CCDC33: variants seen among roughly 807,000 people sequenced by gnomAD.
CCDC33 encodes coiled-coil domain-containing protein 33.
CCDC33 carries 94 observed loss-of-function variants against 91.9 expected under a neutral mutation model. The observed-to-expected ratio is 1.02, with a 90% CI of 0.87 to 1.21. The LOEUF is 1.21. Ranked by LOEUF, CCDC33 falls within the 50% of genes most tolerant of loss-of-function variation. CCDC33 has a pLI of 0.00. For missense variants in CCDC33, 940 were observed against 935.5 expected (o/e 1.00, Z -0.06); for synonymous variants, 396 against 374.5 (o/e 1.06, Z -0.66).
At chr15:74,231,991 G>A (rs2074988142), upstream of CCDC33, among the ~76,000 whole-genome samples, 1 of 152,190 alleles carries the variant, frequency 6.6e-6, no homozygotes. Context: ...TCCAGCCTGG[G>A]AGACAGAATG....
rs146131430 is a variant in CCDC33 at position 74,332,684 on chromosome 15, C to T, written c.1777C>T (p.Pro593Ser). ...ATCTGTGGCCGTGTCTCTAGGCTTC[C>T]CTATGCTCTCAGCCTCTGGCCTTCC... ...RQQGKPYTGF[P>S]MLSASGLPLG... The change falls in exon 16 of 19, where the codon CCT (proline) becomes TCT (serine). Residue 593 changes from proline (P) to serine (S), a missense_variant. Physicochemically the swap from Pro to Ser is moderately conservative, Grantham distance 74. Coordinates refer to ENST00000398814, the MANE Select transcript of CCDC33 (RefSeq NM_025055.5). 5 of 1,613,930 alleles carry T rather than the reference C, an allele frequency of 3.1e-6. No individual in the cohort carries two copies. The East Asian group carries it at 1.1e-4, about 36-fold the overall frequency.
Position 74,259,708 on chromosome 15 carries a change from G to A in CCDC33, c.186-2732G>A, listed in dbSNP as rs114319155. Among the ~76,000 whole-genome samples the A allele has an allele frequency of 4.1e-3, 617 of 152,320 alleles. 4 individuals carry two copies. Among genetic ancestry groups the A allele is most frequent in the African/African-American group, 0.014 (590 of 41,558 alleles). On this transcript the variant is annotated intron_variant, in intron 2 of 18. Transcript: ENST00000398814. Reference sequence around the variant, plus strand: ...CACCTTTACCCACCTCTTTGCACCTGGGAATTCCTCCTGCCACCCTCCCAG... The same window carrying A: ...CACCTTTACCCACCTCTTTGCACCTAGGAATTCCTCCTGCCACCCTCCCAG...
At chr15:74,253,778 G>A (rs2075781108) in intron 2 of CCDC33, among the ~76,000 whole-genome samples, 1 of 152,194 alleles carries the variant, frequency 6.6e-6, no homozygotes, top group Non-Finnish European at 1.5e-5. Flanking sequence ...GAGAGCACCT[G>A]GCTCATTCAG....
upstream of CCDC33, among the ~76,000 whole-genome samples, chr15:74,215,717 G>T (rs2074423664): frequency 6.6e-6 from 1 of 151,936 alleles, no homozygotes; most frequent in African/African-American, 2.4e-5. Context: ...AAGTTGGAGG[G>T]AGGTTAGCCG....
intron 10 of CCDC33, among the ~76,000 whole-genome samples, chr15:74,291,437 C>T (rs2059582967): frequency 6.6e-6 from 1 of 152,258 alleles, no homozygotes; most frequent in African/African-American, 2.4e-5. Context: ...TTGGGACTCA[C>T]TTTGTTAGAT....
chr15:74,225,348 G>A (rs915330564), intron 2 of CCDC33, among the ~76,000 whole-genome samples: 1 of 151,934 alleles, frequency 6.6e-6, no homozygotes, highest in Non-Finnish European at 1.5e-5. Context: ...GCCCAGTGAC[G>A]ATGGCCTTTT....
At chr15:74,290,305 G>A (rs1022703742) in intron 10 of CCDC33, among the ~76,000 whole-genome samples, 3 of 151,802 alleles carry the variant, frequency 2.0e-5, no homozygotes, top group African/African-American at 7.3e-5. Context: ...AGTCTCCCCA[G>A]TAGCTGGGAT....
At chr15:74,273,022 A>G (rs191545825) in intron 7 of CCDC33, 131 bp downstream of exon 7, 8 of 1,247,814 alleles carry the variant, frequency 6.4e-6, no homozygotes, top group Non-Finnish European at 8.0e-6. Flanking sequence ...CGGCATACCC[A>G]GTGCTGTGCT....
At chr15:74,225,791 G>T (rs533604030) in intron 2 of CCDC33, among the ~76,000 whole-genome samples, 5 of 152,156 alleles carry the variant, frequency 3.3e-5, no homozygotes, top group Non-Finnish European at 7.4e-5. Flanking sequence ...TTAGGGTGGG[G>T]AGCAGCAGGG....
chr15:74,291,424 T>A (rs540197126), intron 10 of CCDC33, among the ~76,000 whole-genome samples: 2 of 152,366 alleles, frequency 1.3e-5, no homozygotes, highest in East Asian at 3.9e-4. Context: ...GGAAGCAGAT[T>A]TCTTGGGACT....
At chr15:74,298,206 C>T (rs1171080810) in intron 11 of CCDC33, among the ~76,000 whole-genome samples, 1 of 152,050 alleles carries the variant, frequency 6.6e-6, no homozygotes, top group African/African-American at 2.4e-5. Context: ...AAGTGAGACA[C>T]AAATTGCTGG....
intron 2 of CCDC33, among the ~76,000 whole-genome samples, chr15:74,222,447 C>T (rs1029909000): frequency 2.0e-5 from 3 of 151,948 alleles, no homozygotes; most frequent in East Asian, 3.9e-4. Flanking sequence ...TCCCAACAAT[C>T]GCAGTTTTGT....
intron 9 of CCDC33, among the ~76,000 whole-genome samples, chr15:74,281,170 C>G (rs2059355898): frequency 6.6e-6 from 1 of 152,216 alleles, no homozygotes; most frequent in Admixed American, 6.5e-5. Context: ...CCACAAGAGT[C>G]CTCGTCTGTA....
intron 13 of CCDC33, 90 bp downstream of exon 13, chr15:74,330,841 G>T: frequency 6.6e-7 from 1 of 1,507,936 alleles, no homozygotes; most frequent in Non-Finnish European, 9.1e-7. Context: ...GGGAGAACAG[G>T]CACAGAGGGA....
At chr15:74,318,088 G>A (rs571902870) in intron 11 of CCDC33, among the ~76,000 whole-genome samples, 3 of 151,362 alleles carry the variant, frequency 2.0e-5, no homozygotes, top group South Asian at 4.2e-4. Context: ...TGCTGCTGCG[G>A]GGTGGGGAGG....
chr15:74,285,228 G>A (rs1386150532), intron 10 of CCDC33, among the ~76,000 whole-genome samples: 1 of 152,186 alleles, frequency 6.6e-6, no homozygotes, highest in Non-Finnish European at 1.5e-5. Context: ...CAGGAGTTTT[G>A]GGCACAGGCT....
chr15:74,320,792 G>T (rs116724329), intron 11 of CCDC33, among the ~76,000 whole-genome samples: 1 of 152,112 alleles, frequency 6.6e-6, no homozygotes, highest in Admixed American at 6.5e-5. Context: ...TTGCCGCTTC[G>T]ATATCCCACC....
intron 2 of CCDC33, among the ~76,000 whole-genome samples, chr15:74,222,980 T>G (rs933526806): frequency 5.9e-5 from 9 of 151,972 alleles, no homozygotes; most frequent in African/African-American, 2.2e-4. Flanking sequence ...CATACACTAT[T>G]TCTATTGCCC....
intron 10 of CCDC33, among the ~76,000 whole-genome samples, chr15:74,290,145 GTCAT>G (rs1423866013): frequency 6.6e-6 from 1 of 151,484 alleles, no homozygotes; most frequent in Non-Finnish European, 1.5e-5. Flanking sequence ...CCCAGCCAAG[GTCAT>G]TCATTCATTA....
Sources: allele counts gnomAD v4.1 joint callset (sites outside exome capture counted in the v4.1 genomes callset), GRCh38; gene constraint gnomAD v4.1.1; transcripts MANE v1.5; gene names NCBI Gene and HGNC (gene_info 2026-07-23, HGNC 2026-07-21).